The following ATP8A2 variants were observed in gnomAD, a reference collection of about 807,000 sequenced individuals.
ATP8A2 encodes phospholipid-transporting ATPase IB.
Under a neutral mutation model 165.6 loss-of-function variants are expected in ATP8A2, and 100 were observed. The observed-to-expected ratio is 0.60, with a 90% CI of 0.51 to 0.71. The LOEUF is 0.71. Among genes scored for constraint, ATP8A2 ranks in the 30% least tolerant of loss-of-function variants. The pLI, the probability that ATP8A2 is intolerant of heterozygous loss-of-function variation, is 0.00. For missense variants in ATP8A2, 1,227 were observed against 1,479.5 expected, an observed-to-expected ratio of 0.83 and a Z score of 2.80; for synonymous variants, 543 against 548.8, an observed-to-expected ratio of 0.99 and a Z score of 0.15.
intron 33 of ATP8A2, among the ~76,000 whole-genome samples, chr13:25,877,480 CATT>C (rs1051743931): frequency 3.3e-5 from 5 of 152,182 alleles, no homozygotes; most frequent in African/African-American, 9.7e-5. Context: ...TACTTTGTTT[CATT>C]GAGTTGTTTA....
At chr13:25,737,021 C>A (rs1267397120) in intron 25 of ATP8A2, among the ~76,000 whole-genome samples, 1 of 152,118 alleles carries the variant, frequency 6.6e-6, no homozygotes, top group Non-Finnish European at 1.5e-5. Context: ...TGATAACCCA[C>A]AGTGCTTGTG....
chr13:25,543,497 A>G (rs2038548680), intron 10 of ATP8A2, 95 bp downstream of exon 10: 2 of 783,634 alleles, frequency 2.6e-6, no homozygotes, highest in East Asian at 2.5e-5. Context: ...AGGAAGTTCA[A>G]ATTTGTCTAT....
chr13:25,627,942 A>G (rs1174111733), intron 24 of ATP8A2, among the ~76,000 whole-genome samples: 1 of 152,176 alleles, frequency 6.6e-6, no homozygotes, highest in East Asian at 1.9e-4. Flanking sequence ...TTTACTTAAC[A>G]ATGAAAATTT....
At position 25,444,459 on chromosome 13, in the gene ATP8A2, G is replaced by A. The variant is rs189379468; in HGVS notation, c.77-24518G>A. Among the ~76,000 whole-genome samples, 9 of 152,128 alleles carry A rather than the reference G, an allele frequency of 5.9e-5. No homozygotes were observed. In the East Asian group the frequency reaches 1.4e-3, roughly 23 times the overall value. On this transcript the variant is annotated intron_variant, in intron 1 of 36. Transcript: ENST00000381655. The stretch of plus-strand genomic sequence containing the variant: ...GATGTATACTTAACTCTTAGAAACC[G>A]CCAAAAGAGTTTTCTAAAGTGGCTG...
At chr13:25,878,829 G>A (rs749953461) in intron 33 of ATP8A2, among the ~76,000 whole-genome samples, 3 of 152,012 alleles carry the variant, frequency 2.0e-5, no homozygotes, top group Non-Finnish European at 4.4e-5. Context: ...CTCCACTCAC[G>A]TCCATCACCA....
chr13:25,411,913 A>G (rs900777695), intron 1 of ATP8A2, among the ~76,000 whole-genome samples: 1 of 152,170 alleles, frequency 6.6e-6, no homozygotes, highest in Non-Finnish European at 1.5e-5. Context: ...AGAACTTTAA[A>G]TCTTCCTGCC....
At chr13:25,450,672 C>T (rs1434862300) in intron 1 of ATP8A2, among the ~76,000 whole-genome samples, 1 of 152,200 alleles carries the variant, frequency 6.6e-6, no homozygotes, top group Middle Eastern at 3.4e-3. Context: ...GCTGGGACTA[C>T]AGGCGCCCGC....
At position 25,953,621 on chromosome 13, in the gene ATP8A2, C is replaced by T. The variant is rs182670608; in HGVS notation, c.3184-7954C>T. Among the ~76,000 whole-genome samples, 32 of 151,190 alleles carry T rather than the reference C, an allele frequency of 2.1e-4. No homozygotes were observed. Among genetic ancestry groups the T allele is most frequent in the African/African-American group, 7.5e-4 (31 of 41,140 alleles). On this transcript the variant is annotated intron_variant, in intron 33 of 36. Coordinates refer to ENST00000381655, the MANE Select transcript of ATP8A2 (RefSeq NM_016529.6). This position sits in a 1 kb window ranked among gnomAD's most constrained non-coding sequence, Gnocchi z 6.7. ...CTCCCAGGGAGATCAAGGCAGACAG[C>T]GAGTGATTTCTGCATTTCCAGCTGA...
chr13:25,540,513 A>G (rs1046169659), intron 8 of ATP8A2, 125 bp downstream of exon 8: 1 of 707,380 alleles, frequency 1.4e-6, no homozygotes, highest in Non-Finnish European at 2.5e-6. Context: ...CCCTAATGGA[A>G]TCTATGGGAA....
chr13:25,772,235 A>G (rs1236655979), intron 26 of ATP8A2, among the ~76,000 whole-genome samples: 1 of 151,960 alleles, frequency 6.6e-6, no homozygotes, highest in Non-Finnish European at 1.5e-5. Flanking sequence ...CTGCCCTCCT[A>G]ATGTTTTCAG....
intron 1 of ATP8A2, among the ~76,000 whole-genome samples, chr13:25,465,707 C>CTTTCTTTCT (rs1373708668): frequency 4.8e-4 from 11 of 22,862 alleles, no homozygotes; most frequent in Middle Eastern, 0.019. Context: ...TTCTTTCTTT[C>CTTTCTTTCT]TTTCTTTCTT....
intron 2 of ATP8A2, among the ~76,000 whole-genome samples, chr13:25,472,057 A>C (rs1210599877): frequency 6.6e-6 from 1 of 152,132 alleles, no homozygotes; most frequent in Non-Finnish European, 1.5e-5. Flanking sequence ...CTGTGTTTAA[A>C]TAGGAATTAC....
chr13:25,461,308 G>T (rs936964093), intron 1 of ATP8A2, among the ~76,000 whole-genome samples: 1 of 152,194 alleles, frequency 6.6e-6, no homozygotes, highest in African/African-American at 2.4e-5. Flanking sequence ...TTTTGTATTT[G>T]CACAGCATTT....
At position 26,019,555 on chromosome 13, in the gene ATP8A2, G is replaced by A. The variant is rs371816177; in HGVS notation, c.3470-333G>A. Among the ~76,000 whole-genome samples, 7 of 152,320 alleles carry A rather than the reference G, an allele frequency of 4.6e-5. No homozygotes were observed. The East Asian group carries it at 1.4e-3, about 29-fold the overall frequency. On this transcript the variant is annotated intron_variant, in intron 36 of 36. Coordinates refer to ENST00000381655, the MANE Select transcript of ATP8A2 (RefSeq NM_016529.6). ...GGAGTGTTTTTTCTTAATTGGCAGT[G>A]GGAAAGTGGAGTCGGGGACCAGTGA...
intron 35 of ATP8A2, among the ~76,000 whole-genome samples, chr13:25,986,642 T>C (rs2139275199): frequency 6.6e-6 from 1 of 152,364 alleles, no homozygotes; most frequent in East Asian, 1.9e-4. Context: ...ATCTTGGTTA[T>C]TGTAAATAAT....
chr13:25,796,035 C>T (rs1304390931), intron 27 of ATP8A2, among the ~76,000 whole-genome samples: 2 of 151,894 alleles, frequency 1.3e-5, no homozygotes, highest in Non-Finnish European at 2.9e-5. Context: ...CTGCAACCTC[C>T]ACCTCCCAGG....
At chr13:25,944,567 C>T (rs921526902) in intron 33 of ATP8A2, 1 of 151,862 alleles carries the variant, frequency 6.6e-6, no homozygotes, top group African/African-American at 2.4e-5. Flanking sequence ...GTGTGTCATA[C>T]CAGTAGGGAA....
intron 27 of ATP8A2, among the ~76,000 whole-genome samples, chr13:25,775,200 C>T (rs192375656): frequency 1.3e-5 from 2 of 152,290 alleles, no homozygotes; most frequent in East Asian, 3.9e-4. Flanking sequence ...CCGGACATGC[C>T]TTCCTCCTAG....
At position 25,752,848 on chromosome 13, in the gene ATP8A2, C is replaced by G. The variant is rs527460912; in HGVS notation, c.2385-16198C>G. On this transcript the variant is annotated intron_variant, in intron 25 of 36. Coordinates refer to ENST00000381655, the MANE Select transcript of ATP8A2 (RefSeq NM_016529.6). Reference sequence around the variant, plus strand: ...AGTTCAGCATCTCTATCCATGGTCTCAGAACTAGCTCAGGGCAAGGCTCCT... The same window carrying G: ...AGTTCAGCATCTCTATCCATGGTCTGAGAACTAGCTCAGGGCAAGGCTCCT... Among the ~76,000 whole-genome samples, 11 of 152,338 alleles carry G rather than the reference C, an allele frequency of 7.2e-5. No homozygotes were observed. In the South Asian group the frequency reaches 2.3e-3, roughly 32 times the overall value.
Sources: gnomAD v4.1 joint callset for allele counts (sites outside exome capture counted in the v4.1 genomes callset) on GRCh38, gnomAD v4.1.1 for gene constraint, Gnocchi (gnomAD v3.1) non-coding constraint, MANE v1.5 for transcripts, NCBI Gene and HGNC (gene_info 2026-07-23, HGNC 2026-07-21) for gene names.